NEK1: variants seen among roughly 807,000 people sequenced by gnomAD.
NEK1 encodes serine/threonine-protein kinase Nek1.
Under a neutral mutation model 182.1 loss-of-function variants are expected in NEK1, and 137 were observed. That is an observed-to-expected ratio of 0.75 (90% CI 0.65 to 0.87). The LOEUF (loss-of-function observed/expected upper bound fraction) is 0.87, where lower values mean the gene tolerates loss of function less well. Ranked by LOEUF, NEK1 falls within the 40% of genes least tolerant of loss-of-function variation. The probability of loss-of-function intolerance (pLI) is 0.00; values close to 1 mark genes in which losing one functional copy is unlikely to be tolerated. For missense variants in NEK1, 1,391 were observed against 1,494.4 expected (o/e 0.93, Z 1.14); for synonymous variants, 513 against 492.2 (o/e 1.04, Z -0.56).
At chr4:169,437,342 A>C (rs1738602980) in intron 28 of NEK1, among the ~76,000 whole-genome samples, 1 of 152,216 alleles carries the variant, frequency 6.6e-6, no homozygotes, top group Non-Finnish European at 1.5e-5. Flanking sequence ...AGCTAATGTC[A>C]TAATGAGATG....
At chr4:169,581,775 CTTCA>C (rs1324890781) in intron 10 of NEK1, among the ~76,000 whole-genome samples, 1 of 152,078 alleles carries the variant, frequency 6.6e-6, no homozygotes, top group Non-Finnish European at 1.5e-5. Flanking sequence ...TGAAGAATCT[CTTCA>C]TTATCAAAAG....
At chr4:169,421,416 T>C (rs926646075) in intron 31 of NEK1, among the ~76,000 whole-genome samples, 12 of 152,136 alleles carry the variant, frequency 7.9e-5, no homozygotes, top group Non-Finnish European at 1.3e-4. Flanking sequence ...CAAGTTGATA[T>C]GGTTTGGCTA....
chr4:169,561,999 T>C, intron 13 of NEK1, 108 bp from the exon 14 acceptor site: 1 of 1,140,308 alleles, frequency 8.8e-7, no homozygotes, highest in East Asian at 2.6e-5. Context: ...GAGGTTTTTT[T>C]TTTAAAAAAA....
At chr4:169,567,109 C>A (rs1210799873) in intron 12 of NEK1, among the ~76,000 whole-genome samples, 1 of 151,140 alleles carries the variant, frequency 6.6e-6, no homozygotes, top group African/African-American at 2.5e-5. Flanking sequence ...AAAAAAAAAT[C>A]AAGGGAAAAA....
chr4:169,449,574 T>A (rs948087955), intron 27 of NEK1, among the ~76,000 whole-genome samples: 6 of 152,112 alleles, frequency 3.9e-5, no homozygotes, highest in African/African-American at 1.4e-4. Context: ...CTCTAACAGA[T>A]CTGCAGCTGA....
intron 23 of NEK1, among the ~76,000 whole-genome samples, chr4:169,483,708 T>C (rs768394590): frequency 6.2e-4 from 94 of 151,636 alleles, no homozygotes; most frequent in Non-Finnish European, 1.1e-3. Flanking sequence ...CTACTAAAAA[T>C]ACAAAAAATT....
intron 23 of NEK1, 153 bp downstream of exon 23, chr4:169,506,880 GAGAA>G (rs1423954237): frequency 2.0e-5 from 8 of 407,346 alleles, no homozygotes; most frequent in South Asian, 7.8e-5. Context: ...CAGAGAGACT[GAGAA>G]AGAGAGAGGT....
At chr4:169,537,996 T>C in intron 18 of NEK1, 85 bp from the exon 19 acceptor site, 1 of 954,930 alleles carries the variant, frequency 1.0e-6, no homozygotes, top group East Asian at 2.5e-5. Flanking sequence ...TAAATTTTTT[T>C]TTCATTTCAG....
At chr4:169,468,674 AAT>A (rs1745368102) in intron 26 of NEK1, among the ~76,000 whole-genome samples, 1 of 152,096 alleles carries the variant, frequency 6.6e-6, no homozygotes, top group Admixed American at 6.5e-5. Context: ...TGTTGTTTGG[AAT>A]AGTTTCAGAA....
chr4:169,420,419 A>G (rs913597785), intron 31 of NEK1, among the ~76,000 whole-genome samples: 1 of 152,220 alleles, frequency 6.6e-6, no homozygotes, highest in South Asian at 2.1e-4. Context: ...GTCAAGCATT[A>G]GGTACTGTAC....
intron 23 of NEK1, among the ~76,000 whole-genome samples, chr4:169,501,367 C>A (rs1752393075): frequency 6.6e-6 from 1 of 151,202 alleles, no homozygotes; most frequent in Admixed American, 6.6e-5. Flanking sequence ...CTAATAAATT[C>A]TAGACTTAAA....
intron 29 of NEK1, among the ~76,000 whole-genome samples, chr4:169,433,043 G>A (rs1168266427): frequency 3.3e-5 from 5 of 151,952 alleles, no homozygotes; most frequent in Admixed American, 2.0e-4. Context: ...GGGAATACAG[G>A]TGTGAACCAC....
intron 12 of NEK1, among the ~76,000 whole-genome samples, chr4:169,568,021 C>T (rs1000682907): frequency 1.6e-4 from 24 of 152,122 alleles, no homozygotes; most frequent in Non-Finnish European, 3.2e-4. Flanking sequence ...TATGAAGAAA[C>T]AGATTATACA....
At chr4:169,398,995 C>A (rs1038116925) in intron 35 of NEK1, among the ~76,000 whole-genome samples, 1 of 152,114 alleles carries the variant, frequency 6.6e-6, no homozygotes, top group African/African-American at 2.4e-5. Context: ...CACCTGTAAT[C>A]CCAGCACTTT....
intron 18 of NEK1, among the ~76,000 whole-genome samples, chr4:169,544,885 T>A (rs1760119012): frequency 6.6e-6 from 1 of 151,874 alleles, no homozygotes; most frequent in South Asian, 2.1e-4. Flanking sequence ...TCTTCATTAG[T>A]CTTGCTAGTG....
rs552676156 is a variant in NEK1, at chr4:169,535,617, G to C, written c.1665+2192C>G. On this transcript the variant is annotated intron_variant, in intron 19 of 35. Coordinates refer to ENST00000507142, the MANE Select transcript of NEK1 (RefSeq NM_001199397.3). ...AATGGGCCAGACGCAGTGGGCTCAC[G>C]TCTGTAATCCCAGCACTTTGGGAGG... 1.5e-3 allele frequency among the ~76,000 whole-genome samples: 223 copies of C among 152,078 alleles called. 1 individual carries two copies. Among genetic ancestry groups the C allele is most frequent in the South Asian group, 8.9e-3 (43 of 4,824 alleles).
In NEK1 at chr4:169,431,526, T is replaced by TAG. The variant is rs1554030113; in HGVS notation, c.2885+2018_2885+2019insCT. On this transcript the variant is annotated intron_variant, in intron 29 of 35. Transcript: ENST00000507142. Reference sequence around the variant, plus strand: ...ATGTACTAGCTTACTGTAGACAGACTAATAGGAAAAAATGTATACAAACAG... The same window carrying TAG: ...ATGTACTAGCTTACTGTAGACAGACTAGAATAGGAAAAAATGTATACAAACAG... 3.3e-3 allele frequency among the ~76,000 whole-genome samples: 497 copies of TAG among 151,686 alleles called. 1 individual carries two copies. Among genetic ancestry groups the TAG allele is most frequent in the Non-Finnish European group, 5.5e-3 (375 of 67,824 alleles).
At chr4:169,403,983 A>G (rs1398352118) in intron 32 of NEK1, among the ~76,000 whole-genome samples, 1 of 152,188 alleles carries the variant, frequency 6.6e-6, no homozygotes, top group Non-Finnish European at 1.5e-5. Flanking sequence ...TTCAATTAAT[A>G]CTAAAGGCTT....
At chr4:169,394,708 G>T (rs1730407136) in intron 35 of NEK1, among the ~76,000 whole-genome samples, 185 bp from the exon 36 acceptor site, 1 of 152,126 alleles carries the variant, frequency 6.6e-6, no homozygotes, top group Admixed American at 6.5e-5. Context: ...AAAATGGGAA[G>T]CAAAAATCAT....
Sources: gnomAD v4.1 joint callset for allele counts (sites outside exome capture counted in the v4.1 genomes callset) on GRCh38, gnomAD v4.1.1 for gene constraint, MANE v1.5 for transcripts, NCBI Gene and HGNC (gene_info 2026-07-23, HGNC 2026-07-21) for gene names.